TMEM117: variants seen among roughly 807,000 people sequenced by gnomAD.
TMEM117 encodes the protein transmembrane protein 117.
TMEM117 carries 27 observed loss-of-function variants against 52.4 expected under a neutral mutation model. That is an observed-to-expected ratio of 0.51 (90% CI 0.38 to 0.71). The LOEUF (loss-of-function observed/expected upper bound fraction) is 0.71. TMEM117 is among the 30% of genes least tolerant of loss of function. The pLI, the probability that TMEM117 is intolerant of heterozygous loss-of-function variation, is 0.00. For missense variants in TMEM117, 556 were observed against 630.5 expected, an observed-to-expected ratio of 0.88 and a Z score of 1.26; for synonymous variants, 215 against 206.3, an observed-to-expected ratio of 1.04 and a Z score of -0.36.
chr12:44,351,999 C>A (rs1951568820), intron 6 of TMEM117, among the ~76,000 whole-genome samples: 1 of 151,912 alleles, frequency 6.6e-6, no homozygotes, highest in Admixed American at 6.6e-5. Flanking sequence ...AGCCTTTATG[C>A]ATTAGGGTCA....
intron 3 of TMEM117, among the ~76,000 whole-genome samples, chr12:44,041,710 C>A (rs960066939): frequency 6.6e-6 from 1 of 152,042 alleles, no homozygotes; most frequent in Non-Finnish European, 1.5e-5. Context: ...AACATAGATA[C>A]AAAATTCCTC....
At chr12:43,802,244 T>C in the TMEM117 span, 61 of 1,343,350 alleles carry the variant, frequency 4.5e-5, no homozygotes, top group African/African-American at 8.1e-4. Context: ...AAAACATTTT[T>C]CTAGCATTTA....
intron 7 of TMEM117, among the ~76,000 whole-genome samples, chr12:44,379,543 T>G (rs1951990968): frequency 6.6e-6 from 1 of 152,188 alleles, no homozygotes; most frequent in Non-Finnish European, 1.5e-5. Flanking sequence ...TTGCTTTTGT[T>G]CTGTTTCTTT....
At chr12:44,165,333 C>A (rs534288928) in intron 4 of TMEM117, among the ~76,000 whole-genome samples, 2 of 152,172 alleles carry the variant, frequency 1.3e-5, no homozygotes, top group South Asian at 2.1e-4. Flanking sequence ...AACCAGAAAA[C>A]AATTAACAAA....
chr12:44,029,101 A>T (rs981109591), intron 3 of TMEM117, among the ~76,000 whole-genome samples: 10 of 152,130 alleles, frequency 6.6e-5, no homozygotes, highest in African/African-American at 2.2e-4. Flanking sequence ...AACTCAGGGG[A>T]GTTAGAGTGT....
intron 2 of TMEM117, among the ~76,000 whole-genome samples, chr12:43,926,757 A>AT (rs529791587): frequency 1.3e-4 from 6 of 45,764 alleles, no homozygotes; most frequent in East Asian, 1.6e-3. Context: ...GTATTTATCC[A>AT]TTTTTTATCT....
At chr12:43,880,291 T>G (rs944530459) in intron 2 of TMEM117, among the ~76,000 whole-genome samples, 5 of 152,164 alleles carry the variant, frequency 3.3e-5, no homozygotes, top group African/African-American at 1.2e-4. Context: ...CATAACTACT[T>G]GCACTATATA....
intron 6 of TMEM117, among the ~76,000 whole-genome samples, chr12:44,323,208 C>G (rs1239902257): frequency 6.6e-6 from 1 of 152,158 alleles, no homozygotes; most frequent in East Asian, 1.9e-4. Flanking sequence ...TGATTTTAGA[C>G]TAGTGAGACC....
At chr12:44,395,960 C>T in the TMEM117 span, among the ~76,000 whole-genome samples, 1 of 152,278 alleles carries the variant, frequency 6.6e-6, no homozygotes, top group African/African-American at 2.4e-5. Context: ...ATATGCCCAG[C>T]CATGCCTCAC....
chr12:44,319,011 C>G (rs865980845), intron 6 of TMEM117, among the ~76,000 whole-genome samples: 9 of 152,286 alleles, frequency 5.9e-5, no homozygotes, highest in African/African-American at 2.2e-4. Flanking sequence ...GAGAAACTGT[C>G]GCTGTAGCAG....
At position 44,388,192 on chromosome 12, in the gene TMEM117, C is replaced by G. The variant is rs751936358; in HGVS notation, c.1065C>G (p.Thr355=). The G allele has an allele frequency of 5.6e-6, 9 of 1,613,246 alleles. No homozygotes were observed. Among genetic ancestry groups the G allele is most frequent in the Admixed American group, 3.3e-5 (2 of 59,870 alleles). Residue 355 remains threonine, a synonymous_variant, in exon 8 of 8, where the codon ACC becomes ACG. Transcript: ENST00000266534. ...AAAGTTTAAAAGATTTGAACAGAAC[C>G]AAGCTATCCTGGGAATGGAGGTCCA... The part of the protein sequence containing the change: ...DSESLKDLNR[T]KLSWEWRSNH...
intron 3 of TMEM117, among the ~76,000 whole-genome samples, chr12:44,086,843 G>T (rs1242682098): frequency 6.6e-6 from 1 of 151,742 alleles, no homozygotes; most frequent in South Asian, 2.1e-4. Context: ...AACAACCAGG[G>T]TGACTTCCCT....
intron 3 of TMEM117, among the ~76,000 whole-genome samples, chr12:43,968,732 A>G (rs916506778): frequency 1.3e-5 from 2 of 152,178 alleles, no homozygotes; most frequent in Non-Finnish European, 2.9e-5. Flanking sequence ...AGCACAATAC[A>G]AATTATTAGA....
intron 5 of TMEM117, among the ~76,000 whole-genome samples, chr12:44,222,926 G>T (rs1264711690): frequency 6.6e-6 from 1 of 152,018 alleles, no homozygotes. Flanking sequence ...ACATGTTTTG[G>T]TGGTTATAGA....
chr12:44,072,231 G>A (rs1947313077), intron 3 of TMEM117, among the ~76,000 whole-genome samples: 1 of 151,830 alleles, frequency 6.6e-6, no homozygotes, highest in African/African-American at 2.4e-5. Flanking sequence ...AAAAAATTAA[G>A]AGGCAACATA....
chr12:43,919,991 T>C (rs7974501), intron 2 of TMEM117, among the ~76,000 whole-genome samples: 25,187 of 150,612 alleles, frequency 0.17, 3,236 homozygotes, highest in African/African-American at 0.35. Context: ...CTTTAGGACC[T>C]CTTCATTCTG....
intron 3 of TMEM117, among the ~76,000 whole-genome samples, chr12:44,120,467 T>G (rs967767970): frequency 1.3e-5 from 2 of 152,144 alleles, no homozygotes; most frequent in Non-Finnish European, 2.9e-5. Flanking sequence ...TCTGCCCATT[T>G]TAAGCTCTTC....
At chr12:44,101,428 G>T (rs899775436) in intron 3 of TMEM117, among the ~76,000 whole-genome samples, 1 of 151,530 alleles carries the variant, frequency 6.6e-6, no homozygotes, top group Non-Finnish European at 1.5e-5. Context: ...GTCCATTAAC[G>T]TTCCCTGAAT....
intron 3 of TMEM117, among the ~76,000 whole-genome samples, chr12:44,084,533 A>G (rs1236089237): frequency 1.3e-5 from 2 of 152,222 alleles, no homozygotes; most frequent in African/African-American, 2.4e-5. Flanking sequence ...CAAATGTATT[A>G]TATGAAGCAT....
Sources: gnomAD v4.1 joint callset for allele counts (sites outside exome capture counted in the v4.1 genomes callset) on GRCh38, gnomAD v4.1.1 for gene constraint, MANE v1.5 for transcripts, NCBI Gene and HGNC (gene_info 2026-07-23, HGNC 2026-07-21) for gene names.